XPR1: variants seen among roughly 807,000 people sequenced by gnomAD.
XPR1 encodes xenotropic and polytropic retrovirus receptor 1.
In XPR1, 28 loss-of-function variants were observed where a neutral mutation model predicts 87.5. The observed-to-expected ratio is 0.32, with a 90% CI of 0.24 to 0.44. The LOEUF is 0.44. Ranked by LOEUF, XPR1 falls within the 20% of genes least tolerant of loss-of-function variation. XPR1 has a pLI of 1.00. For synonymous variants in XPR1, 300 were observed against 306.1 expected, an observed-to-expected ratio of 0.98 and a Z score of 0.21; for missense variants, 559 against 862.3, an observed-to-expected ratio of 0.65 and a Z score of 4.41.
intron 2 of XPR1, among the ~76,000 whole-genome samples, chr1:180,726,147 T>TA (rs1365809821): frequency 2.0e-5 from 3 of 152,162 alleles, no homozygotes; most frequent in Admixed American, 6.5e-5. Context: ...CAGCCCTCTG[T>TA]AAAAAAACAC....
At chr1:180,788,574 C>A (rs923896551) in intron 3 of XPR1, among the ~76,000 whole-genome samples, 11 of 152,020 alleles carry the variant, frequency 7.2e-5, no homozygotes, top group Non-Finnish European at 1.5e-4. Context: ...ACACATAGTT[C>A]CTGTTACACC....
chr1:180,639,161 G>C (rs1654881614), intron 1 of XPR1, among the ~76,000 whole-genome samples: 1 of 152,066 alleles, frequency 6.6e-6, no homozygotes. Context: ...GCTGGGTGTG[G>C]TGGCGTGTGC....
chr1:180,649,092 C>T (rs930761649), intron 1 of XPR1, among the ~76,000 whole-genome samples: 30 of 151,986 alleles, frequency 2.0e-4, no homozygotes, highest in African/African-American at 7.3e-4. Flanking sequence ...AGAGCATTTT[C>T]TAGTGCAAGC....
chr1:180,750,514 A>G (rs74135816), intron 2 of XPR1, among the ~76,000 whole-genome samples: 3,680 of 152,194 alleles, frequency 0.024, 152 homozygotes, highest in African/African-American at 0.083. Context: ...TATGTAGGAA[A>G]TCATGAGCAT....
At chr1:180,883,255 T>A (rs1204373733) in intron 14 of XPR1, among the ~76,000 whole-genome samples, 3 of 151,346 alleles carry the variant, frequency 2.0e-5, no homozygotes, top group African/African-American at 7.3e-5. Flanking sequence ...AACCAGCCAG[T>A]TTCTTAAGTT....
At chr1:180,849,924 C>T (rs1651810177) in intron 11 of XPR1, among the ~76,000 whole-genome samples, 1 of 152,100 alleles carries the variant, frequency 6.6e-6, no homozygotes, top group African/African-American at 2.4e-5. Context: ...GAAAGGGGAC[C>T]CAGGAGTTCC....
intron 1 of XPR1, among the ~76,000 whole-genome samples, chr1:180,641,744 C>G (rs1460383566): frequency 6.6e-6 from 1 of 152,168 alleles, no homozygotes; most frequent in Non-Finnish European, 1.5e-5. Context: ...CTCAACCCCT[C>G]TGTTTTACAA....
intron 2 of XPR1, among the ~76,000 whole-genome samples, chr1:180,772,860 A>G (rs1648572403): frequency 6.6e-6 from 1 of 152,268 alleles, no homozygotes; most frequent in African/African-American, 2.4e-5. Context: ...GTATGTCTTT[A>G]TCAGCATCAT....
Position 180,859,112 on chromosome 1 carries a change from A to T in XPR1, c.1502-4596A>T, listed in dbSNP as rs550188019. ...CACATTTTTCATTTTTGAAATATCC[A>T]CCCTGAAACATGATTCAAGTTGATT... is the stretch of plus-strand genomic sequence containing the variant. On this transcript the variant is annotated intron_variant, in intron 11 of 14. Coordinates refer to ENST00000367590, the MANE Select transcript of XPR1 (RefSeq NM_004736.4). Among the ~76,000 whole-genome samples the T allele has an allele frequency of 2.0e-4, 30 of 152,388 alleles. 2 individuals are homozygous for T. In the South Asian group the frequency reaches 6.0e-3, roughly 30 times the overall value.
chr1:180,705,960 A>C (rs1010369060), intron 2 of XPR1, among the ~76,000 whole-genome samples: 3 of 152,218 alleles, frequency 2.0e-5, no homozygotes, highest in African/African-American at 7.2e-5. Context: ...GTTAACATTT[A>C]GATAGCCTTA....
intron 2 of XPR1, among the ~76,000 whole-genome samples, chr1:180,728,549 G>A (rs991998257): frequency 2.0e-5 from 3 of 152,152 alleles, no homozygotes; most frequent in Admixed American, 6.5e-5. Context: ...TTCTCAGGTG[G>A]TTCCTAAGAT....
intron 1 of XPR1, among the ~76,000 whole-genome samples, chr1:180,667,949 A>G (rs1656018086): frequency 6.6e-6 from 1 of 151,946 alleles, no homozygotes; most frequent in Admixed American, 6.6e-5. Flanking sequence ...TTCATTTCTG[A>G]TTTTAGCAAT....
At chr1:180,668,236 C>G (rs1366988649) in intron 1 of XPR1, among the ~76,000 whole-genome samples, 7 of 148,632 alleles carry the variant, frequency 4.7e-5, no homozygotes, top group Admixed American at 3.4e-4. Flanking sequence ...TCAAGTGATT[C>G]ACCTGCCTCA....
chr1:180,725,737 T>C (rs1241346003), intron 2 of XPR1, among the ~76,000 whole-genome samples: 3 of 152,224 alleles, frequency 2.0e-5, no homozygotes, highest in South Asian at 2.1e-4. Context: ...AAATCTGAAT[T>C]TCCCCTGGCA....
intron 3 of XPR1, among the ~76,000 whole-genome samples, chr1:180,794,993 T>C (rs1321038070): frequency 6.6e-6 from 1 of 152,156 alleles, no homozygotes; most frequent in Non-Finnish European, 1.5e-5. Flanking sequence ...GTATAAAAAA[T>C]GCATGTAATG....
intron 2 of XPR1, among the ~76,000 whole-genome samples, chr1:180,702,733 G>A (rs1030395017): frequency 1.3e-5 from 2 of 151,670 alleles, no homozygotes; most frequent in Non-Finnish European, 2.9e-5. Flanking sequence ...TTCTCATTGA[G>A]TTTCTTTAAT....
chr1:180,703,066 C>G (rs1657407497), intron 2 of XPR1, among the ~76,000 whole-genome samples: 1 of 152,134 alleles, frequency 6.6e-6, no homozygotes, highest in African/African-American at 2.4e-5. Flanking sequence ...TCAGTGGTAT[C>G]TATGAGTTTC....
In XPR1 at chr1:180,874,828, T is replaced by C. The variant is rs114347817; in HGVS notation, c.1808+886T>C. ...AGAAATTTGCCAAATCTGTAGACTTTGAAATTCACTTGTGACTGCCAATTA... is the reference window on the plus strand; with the variant it reads ...AGAAATTTGCCAAATCTGTAGACTTCGAAATTCACTTGTGACTGCCAATTA... On this transcript the variant is annotated intron_variant, in intron 13 of 14. Transcript: ENST00000367590. Among the ~76,000 whole-genome samples, 769 of 152,336 alleles carry C rather than the reference T, an allele frequency of 5.0e-3. 6 individuals are homozygous for C. Among genetic ancestry groups the C allele is most frequent in the African/African-American group, 0.014 (574 of 41,586 alleles).
intron 1 of XPR1, among the ~76,000 whole-genome samples, chr1:180,679,396 C>T (rs929725415): frequency 5.3e-5 from 8 of 152,082 alleles, no homozygotes; most frequent in South Asian, 2.1e-4. Context: ...CTCTAGATGC[C>T]GGGAATGCTG....
Sources: allele counts gnomAD v4.1 joint callset (sites outside exome capture counted in the v4.1 genomes callset), GRCh38; gene constraint gnomAD v4.1.1; transcripts MANE v1.5; gene names NCBI Gene and HGNC (gene_info 2026-07-23, HGNC 2026-07-21).